The following SYN2 variants were observed in gnomAD, a reference collection of about 807,000 sequenced individuals.
The protein encoded by SYN2 is synapsin-2.
A neutral mutation model predicts 50.9 loss-of-function variants in SYN2; 19 were observed. The ratio of observed to expected loss-of-function variants is 0.37; its 90% confidence interval spans 0.26 to 0.55. SYN2 has a LOEUF of 0.55. Ranked by LOEUF, SYN2 falls within the 20% of genes least tolerant of loss-of-function variation. The probability of loss-of-function intolerance (pLI) is 0.81; values close to 1 mark genes in which losing one functional copy is unlikely to be tolerated. For synonymous variants in SYN2, 255 were observed against 224.9 expected, an observed-to-expected ratio of 1.13 and a Z score of -1.20; for missense variants, 587 against 576.4, an observed-to-expected ratio of 1.02 and a Z score of -0.19.
intron 3 of SYN2, among the ~76,000 whole-genome samples, chr3:12,143,704 T>C (rs1202269219): frequency 6.6e-6 from 1 of 152,210 alleles, no homozygotes; most frequent in Non-Finnish European, 1.5e-5. Flanking sequence ...GATACTTAGG[T>C]TGATTCCATG....
chr3:12,017,950 A>T lies in SYN2; in HGVS notation c.377+13022A>T, dbSNP rs551186143. Among the ~76,000 whole-genome samples, 74 of 152,374 alleles carry T rather than the reference A, an allele frequency of 4.9e-4. 1 individual carries two copies. The highest frequency in any genetic ancestry group is 7.3e-4 in the Non-Finnish European group (50 of 68,032). ...GGGGAAGATGTTTTTAAGCTGACTT[A>T]TATGTGGAAACTTCATACTTTGAGC... On this transcript the variant is annotated intron_variant, in intron 1 of 12. Transcript: ENST00000621198.
rs1364581381 is a variant in SYN2, at chr3:12,032,867, T to G, written c.377+27939T>G. 2.5e-4 allele frequency among the ~76,000 whole-genome samples: 22 copies of G among 89,496 alleles called. No individual in the cohort carries two copies. In the South Asian group the frequency reaches 6.9e-3, roughly 28 times the overall value. 58.7% of individuals were successfully genotyped at this position (89,496 alleles called of 152,430 possible). A position where few individuals can be genotyped will look rare whatever the true frequency, so the allele number is the denominator to read the frequency against. ...CAGAGTAATTTGATCGTCTGAAGCC[T>G]TCTTCTCTCAGCTCGTCAAAATCAT... On this transcript the variant is annotated intron_variant, in intron 1 of 12. Transcript: ENST00000621198.
intron 1 of SYN2, 121 bp from the exon 2 acceptor site, chr3:12,140,530 C>T: frequency 1.4e-6 from 1 of 704,552 alleles, no homozygotes; most frequent in Non-Finnish European, 2.6e-6. Context: ...GATCAGAACC[C>T]AGGTCTCTTG....
chr3:12,154,369 C>A lies in SYN2; in HGVS notation c.774+3043C>A, dbSNP rs777886694. ...GATGGTAGTGATGATTCAGACTTTC[C>A]CTCTGCACCAAGGACAGGTCCTCCC... On this transcript the variant is annotated intron_variant, in intron 5 of 12. Transcript: ENST00000621198. 6.8e-6 allele frequency: 11 copies of A among 1,614,036 alleles called. No homozygotes were observed. In the East Asian group the frequency reaches 2.5e-4, roughly 36 times the overall value.
In SYN2 at chr3:12,134,423, T is replaced by C. The variant is rs530906597; in HGVS notation, c.378-6228T>C. On this transcript the variant is annotated intron_variant, in intron 1 of 12. Coordinates refer to ENST00000621198, the MANE Select transcript of SYN2 (RefSeq NM_133625.6). ...CTGGTCTTCACTGTTCAGCCAGCAGTGTGCTGGGCCCCTGTAGTGCCCAGA... is the reference window on the plus strand; with the variant it reads ...CTGGTCTTCACTGTTCAGCCAGCAGCGTGCTGGGCCCCTGTAGTGCCCAGA... 2.0e-4 allele frequency among the ~76,000 whole-genome samples: 31 copies of C among 152,344 alleles called. No individual in the cohort carries two copies. The South Asian group carries it at 6.2e-3, about 31-fold the overall frequency.
At chr3:12,134,644 C>A (rs991230154) in intron 1 of SYN2, among the ~76,000 whole-genome samples, 1 of 152,214 alleles carries the variant, frequency 6.6e-6, no homozygotes, top group African/African-American at 2.4e-5. Context: ...GCAGTTGATA[C>A]CCTGAATTAT....
intron 1 of SYN2, among the ~76,000 whole-genome samples, chr3:12,077,763 T>C (rs1368908135): frequency 6.6e-6 from 1 of 152,218 alleles, no homozygotes; most frequent in African/African-American, 2.4e-5. Flanking sequence ...CTATTGTGAA[T>C]AGTGTTGCAA....
At chr3:12,023,050 G>T (rs1694179539) in intron 1 of SYN2, among the ~76,000 whole-genome samples, 1 of 152,106 alleles carries the variant, frequency 6.6e-6, no homozygotes, top group South Asian at 2.1e-4. Flanking sequence ...AGAATCCCAG[G>T]AATACGAGAA....
intron 1 of SYN2, among the ~76,000 whole-genome samples, chr3:12,086,789 C>G (rs998802735): frequency 6.6e-5 from 10 of 152,106 alleles, no homozygotes; most frequent in African/African-American, 2.2e-4. Context: ...AGCTTTTTCT[C>G]TAAGATCAGG....
At chr3:12,095,080 A>G (rs1310302727) in intron 1 of SYN2, among the ~76,000 whole-genome samples, 1 of 152,184 alleles carries the variant, frequency 6.6e-6, no homozygotes, top group Non-Finnish European at 1.5e-5. Flanking sequence ...ACCAGCAGAC[A>G]GGTTGAAGAA....
chr3:12,073,581 A>G (rs1216089201), intron 1 of SYN2, among the ~76,000 whole-genome samples: 1 of 151,618 alleles, frequency 6.6e-6, no homozygotes, highest in Admixed American at 6.6e-5. Context: ...AAATAAAGCA[A>G]CCCTTTACAT....
At position 12,190,837 on chromosome 3, in the gene SYN2, C is replaced by A; in HGVS notation, c.*212C>A. 7.5e-7 allele frequency: 1 copy of A among 1,330,520 alleles called. No individual in the cohort carries two copies. The allele number at this position is 1,330,520 out of a possible 1,614,324, so 82.4% of individuals were successfully genotyped here. On this transcript the variant is annotated 3_prime_UTR_variant, in exon 13 of 13. Coordinates refer to ENST00000621198, the MANE Select transcript of SYN2 (RefSeq NM_133625.6). Reference sequence around the variant, plus strand: ...CTACCCAGCAAGGGGTACCTGGCATCAGAGAGGAAAGAGCTGCTTCCCTGT... The same window carrying A: ...CTACCCAGCAAGGGGTACCTGGCATAAGAGAGGAAAGAGCTGCTTCCCTGT...
intron 12 of SYN2, among the ~76,000 whole-genome samples, chr3:12,189,666 G>C (rs1302690244): frequency 1.3e-5 from 2 of 152,178 alleles, no homozygotes; most frequent in Non-Finnish European, 2.9e-5. Context: ...AGCTGGGCAT[G>C]GTGGCAACCA....
chr3:12,013,492 C>A (rs960224058), intron 1 of SYN2, among the ~76,000 whole-genome samples: 1 of 152,108 alleles, frequency 6.6e-6, no homozygotes, highest in Non-Finnish European at 1.5e-5. Flanking sequence ...AAACTTTGTC[C>A]TCATCTTTAG....
At chr3:12,154,699 A>G (rs1238395460) in intron 5 of SYN2, among the ~76,000 whole-genome samples, 1 of 152,230 alleles carries the variant, frequency 6.6e-6, no homozygotes. Context: ...AGCATGGTAC[A>G]GAGAGAAGAA....
chr3:12,017,450 C>T (rs1574888413), intron 1 of SYN2, among the ~76,000 whole-genome samples: 1 of 152,290 alleles, frequency 6.6e-6, no homozygotes, highest in Non-Finnish European at 1.5e-5. Flanking sequence ...TGCTCCTAAC[C>T]ATCATGCTCT....
intron 5 of SYN2, among the ~76,000 whole-genome samples, chr3:12,152,560 G>A (rs1039401819): frequency 6.6e-6 from 1 of 152,118 alleles, no homozygotes; most frequent in African/African-American, 2.4e-5. Context: ...TAATTGCCAG[G>A]TATATTCCCT....
chr3:12,129,763 A>G (rs146777318), intron 1 of SYN2, among the ~76,000 whole-genome samples: 1 of 152,130 alleles, frequency 6.6e-6, no homozygotes, highest in Non-Finnish European at 1.5e-5. Flanking sequence ...GAATCAAGAA[A>G]TAGGTCTTTA....
At chr3:12,079,304 GC>G (rs1695537382) in intron 1 of SYN2, among the ~76,000 whole-genome samples, 1 of 151,974 alleles carries the variant, frequency 6.6e-6, no homozygotes, top group South Asian at 2.1e-4. Context: ...TCTTTCTCTT[GC>G]CTGATTGCCC....
Sources: gnomAD v4.1 joint callset for allele counts (sites outside exome capture counted in the v4.1 genomes callset) on GRCh38, gnomAD v4.1.1 for gene constraint, MANE v1.5 for transcripts, NCBI Gene and HGNC (gene_info 2026-07-23, HGNC 2026-07-21) for gene names.